The following CACNA1C variants were observed in gnomAD, a reference collection of about 807,000 sequenced individuals.
CACNA1C encodes voltage-dependent L-type calcium channel subunit alpha-1C.
Under a neutral mutation model 229.0 loss-of-function variants are expected in CACNA1C, and 30 were observed. That is an observed-to-expected ratio of 0.13 (90% CI 0.10 to 0.18). CACNA1C has a LOEUF of 0.18. Ranked by LOEUF, CACNA1C falls within the 10% of genes least tolerant of loss-of-function variation. CACNA1C has a pLI of 1.00. For synonymous variants in CACNA1C, 1,114 were observed against 1,132.5 expected (o/e 0.98, Z 0.33); for missense variants, 1,658 against 2,845.0 (o/e 0.58, Z 9.49).
At chr12:2,341,050 G>A (rs1259739799) in intron 3 of CACNA1C, among the ~76,000 whole-genome samples, 4 of 152,224 alleles carry the variant, frequency 2.6e-5, no homozygotes, top group Admixed American at 6.5e-5. Context: ...GGACATGAAC[G>A]TTTTTGCATG....
At chr12:2,311,017 C>T (rs1295381412) in intron 3 of CACNA1C, among the ~76,000 whole-genome samples, 1 of 152,140 alleles carries the variant, frequency 6.6e-6, no homozygotes, top group Non-Finnish European at 1.5e-5. Flanking sequence ...TTCTCTAAAC[C>T]CTCATCCTAG....
intron 3 of CACNA1C, among the ~76,000 whole-genome samples, chr12:2,430,342 G>C (rs1319342461): frequency 6.6e-6 from 1 of 152,176 alleles, no homozygotes; most frequent in African/African-American, 2.4e-5. Flanking sequence ...TCCATGAACT[G>C]GCAGGACAGG....
rs73605738 is a variant in CACNA1C, at chr12:2,315,866, G to A, written c.478-133110G>A. ...CTAGATCACTTTTAGCAGTAAGAGTGCCCTAAGAATAATGGCTTTTTGGTC... is the reference window on the plus strand; with the variant it reads ...CTAGATCACTTTTAGCAGTAAGAGTACCCTAAGAATAATGGCTTTTTGGTC... On this transcript the variant is annotated intron_variant, in intron 3 of 46. Coordinates refer to ENST00000399655, the MANE Select transcript of CACNA1C (RefSeq NM_000719.7). 1.1e-3 allele frequency among the ~76,000 whole-genome samples: 171 copies of A among 152,304 alleles called. 1 individual carries two copies. Among genetic ancestry groups the A allele is most frequent in the African/African-American group, 3.9e-3 (164 of 41,568 alleles).
At chr12:2,177,699 C>T (rs185580654) in intron 3 of CACNA1C, among the ~76,000 whole-genome samples, 15 of 151,774 alleles carry the variant, frequency 9.9e-5, no homozygotes, top group African/African-American at 3.6e-4. Flanking sequence ...TGCAGTGGCA[C>T]GATCTTGGCT....
chr12:2,006,697 G>T (rs1237232911), intron 1 of CACNA1C, among the ~76,000 whole-genome samples: 1 of 152,180 alleles, frequency 6.6e-6, no homozygotes, highest in African/African-American at 2.4e-5. Context: ...TGGAGTCTCA[G>T]TCCTATTGAC....
chr12:2,513,152 G>T (rs1474363502), intron 9 of CACNA1C, among the ~76,000 whole-genome samples, 168 bp downstream of exon 9: 1 of 152,174 alleles, frequency 6.6e-6, no homozygotes, highest in Admixed American at 6.5e-5. Flanking sequence ...CACAGACATC[G>T]GTCACATGTG....
intron 3 of CACNA1C, among the ~76,000 whole-genome samples, chr12:2,182,321 ACCC>A (rs2096866854): frequency 1.3e-5 from 2 of 152,110 alleles, no homozygotes; most frequent in Middle Eastern, 3.4e-3. Context: ...GGGTTCATGC[ACCC>A]TGGGGTGGGT....
At chr12:2,252,279 AGTGT>A (rs1198752449) in intron 3 of CACNA1C, among the ~76,000 whole-genome samples, 1 of 152,294 alleles carries the variant, frequency 6.6e-6, no homozygotes, top group Admixed American at 6.5e-5. Flanking sequence ...GCTTGCTTGA[AGTGT>A]GTAAATAGTC....
At chr12:2,614,429 T>A (rs1421770450) in intron 29 of CACNA1C, 1 of 152,228 alleles carries the variant, frequency 6.6e-6, no homozygotes, top group Non-Finnish European at 1.5e-5. Context: ...GGAGCACAGC[T>A]GAGTCCCTGG....
intron 3 of CACNA1C, among the ~76,000 whole-genome samples, chr12:2,194,628 T>A (rs2097348459): frequency 6.6e-6 from 1 of 152,142 alleles, no homozygotes; most frequent in Non-Finnish European, 1.5e-5. Flanking sequence ...TTACATACCC[T>A]CTCCACTGTG....
At chr12:2,159,865 A>T (rs748495951) in intron 3 of CACNA1C, among the ~76,000 whole-genome samples, 9 of 152,162 alleles carry the variant, frequency 5.9e-5, no homozygotes, top group Non-Finnish European at 1.3e-4. Context: ...CGGCCTCCCA[A>T]AGTGCTGGGA....
chr12:2,120,549 C>T, intron 3 of CACNA1C, 119 bp downstream of exon 3: 1 of 728,884 alleles, frequency 1.4e-6, no homozygotes, highest in East Asian at 2.5e-5. Context: ...TGCAGGAGCC[C>T]TGCAGAGCTC....
intron 3 of CACNA1C, among the ~76,000 whole-genome samples, chr12:2,128,662 C>T (rs111768356): frequency 0.025 from 3,856 of 152,236 alleles, 157 homozygotes; most frequent in African/African-American, 0.087. Flanking sequence ...CTGCCCGCCT[C>T]GGCCTCCCAA....
Position 2,354,998 on chromosome 12 carries a change from G to A in CACNA1C, c.478-93978G>A, listed in dbSNP as rs549619723. Among the ~76,000 whole-genome samples the A allele has an allele frequency of 6.6e-6, 1 of 152,290 alleles. No individual in the cohort carries two copies. Among genetic ancestry groups the A allele is most frequent in the East Asian group, 1.9e-4 (1 of 5,184 alleles). ...AGGTGTGAGGATGGGTCTGGGTGTGGGGTGGGGTGGAGGGCTGAAGAAGGA... is the reference window on the plus strand; with the variant it reads ...AGGTGTGAGGATGGGTCTGGGTGTGAGGTGGGGTGGAGGGCTGAAGAAGGA... On this transcript the variant is annotated intron_variant, in intron 3 of 46. Coordinates refer to ENST00000399655, the MANE Select transcript of CACNA1C (RefSeq NM_000719.7). This position sits in a 1 kb window ranked among gnomAD's most constrained non-coding sequence, Gnocchi z 4.6.
At chr12:2,431,614 G>A (rs1383885093) in intron 3 of CACNA1C, among the ~76,000 whole-genome samples, 1 of 152,172 alleles carries the variant, frequency 6.6e-6, no homozygotes, top group Non-Finnish European at 1.5e-5. Context: ...TGTAAAATGA[G>A]AATAATGATG....
Position 2,354,457 on chromosome 12 carries a change from C to T in CACNA1C, c.478-94519C>T, listed in dbSNP as rs562161600. 6.6e-5 allele frequency among the ~76,000 whole-genome samples: 10 copies of T among 152,188 alleles called. No individual in the cohort carries two copies. The highest frequency in any genetic ancestry group is 3.9e-4 in the East Asian group (2 of 5,158). On this transcript the variant is annotated intron_variant, in intron 3 of 46. Coordinates refer to ENST00000399655, the MANE Select transcript of CACNA1C (RefSeq NM_000719.7). The surrounding 1 kb of genome is among the most constrained non-coding windows in gnomAD (Gnocchi z 4.6). ...GCTATGACTGCAGCCTGTAGGGAAA[C>T]GCCGGGAGGAACAGGAGACTGTTGA...
At chr12:2,652,212 C>T (rs1468786428) in intron 32 of CACNA1C, among the ~76,000 whole-genome samples, 1 of 152,186 alleles carries the variant, frequency 6.6e-6, no homozygotes, top group Non-Finnish European at 1.5e-5. Flanking sequence ...TCAGCAGCAT[C>T]TGCTGACAGC....
At position 2,135,783 on chromosome 12, in the gene CACNA1C, A is replaced by T. The variant is rs2093351173; in HGVS notation, c.477+15353A>T. On this transcript the variant is annotated intron_variant, in intron 3 of 46. Transcript: ENST00000399655. ...TTGTTTGTCTGTGCCCTGCCCCCAG[A>T]GGTGGAGCCTACAGAGGCAGGCAGG... Among the ~76,000 whole-genome samples, 3 of 146,618 alleles carry T rather than the reference A, an allele frequency of 2.0e-5. 1 individual carries two copies. Among genetic ancestry groups the T allele is most frequent in the Non-Finnish European group, 4.5e-5 (3 of 67,362 alleles).
intron 3 of CACNA1C, among the ~76,000 whole-genome samples, chr12:2,244,418 A>G (rs1056907733): frequency 1.3e-5 from 2 of 152,230 alleles, no homozygotes; most frequent in African/African-American, 4.8e-5. Context: ...GTGCCAGGTG[A>G]ACACAGACCT....
Sources: allele counts gnomAD v4.1 joint callset (sites outside exome capture counted in the v4.1 genomes callset), GRCh38; gene constraint gnomAD v4.1.1; non-coding constraint Gnocchi (gnomAD v3.1); transcripts MANE v1.5; gene names NCBI Gene and HGNC (gene_info 2026-07-23, HGNC 2026-07-21).